RNFT2: variants seen among roughly 807,000 people sequenced by gnomAD.
RNFT2 encodes the protein ring finger protein, transmembrane 2.
In RNFT2, 36 loss-of-function variants were observed where a neutral mutation model predicts 53.0. The ratio of observed to expected loss-of-function variants is 0.68; its 90% CI spans 0.52 to 0.90. The LOEUF is 0.90. Among genes scored for constraint, RNFT2 ranks in the 40% least tolerant of loss-of-function variants. The probability of loss-of-function intolerance (pLI) is 0.00; values close to 1 mark genes in which losing one functional copy is unlikely to be tolerated. For synonymous variants in RNFT2, 260 were observed against 253.2 expected (o/e 1.03, Z -0.26); for missense variants, 514 against 585.6 (o/e 0.88, Z 1.26).
intron 7 of RNFT2, among the ~76,000 whole-genome samples, chr12:116,830,692 C>T (rs546386706): frequency 2.4e-4 from 36 of 152,176 alleles, no homozygotes; most frequent in African/African-American, 8.2e-4. Context: ...GGTGGATCAC[C>T]TGTGGTCAGG....
chr12:116,819,563 C>A (rs982724370), intron 7 of RNFT2, among the ~76,000 whole-genome samples: 8 of 152,238 alleles, frequency 5.3e-5, no homozygotes, highest in Non-Finnish European at 8.8e-5. Context: ...AGGAGGCAGG[C>A]GGCCGGGCCA....
intron 7 of RNFT2, among the ~76,000 whole-genome samples, chr12:116,826,406 TC>T (rs1175668502): frequency 6.6e-6 from 1 of 152,160 alleles, no homozygotes; most frequent in Non-Finnish European, 1.5e-5. Flanking sequence ...GCGAGACAGC[TC>T]ATAATCTGAT....
chr12:116,796,532 G>A (rs1874512419), intron 7 of RNFT2, among the ~76,000 whole-genome samples: 1 of 152,156 alleles, frequency 6.6e-6, no homozygotes, highest in South Asian at 2.1e-4. Context: ...GGGACGGGGA[G>A]GGAAGGTGGA....
rs576519753 is a variant in RNFT2 at position 116,778,131 on chromosome 12, CTCCTTTCTTCCT to C, written c.729-1058_729-1047del. ...TCTTCCTCCCCCTTTCTTTTCTTCC[CTCCTTTCTTCCT>C]TCCTTCCTTTTGCCTCCTCTCGTAA... On this transcript the variant is annotated intron_variant, in intron 6 of 10. Transcript: ENST00000257575. Among the ~76,000 whole-genome samples, 351 of 152,168 alleles carry C rather than the reference CTCCTTTCTTCCT, an allele frequency of 2.3e-3. 2 individuals carry two copies. Among genetic ancestry groups the C allele is most frequent in the African/African-American group, 8.2e-3 (341 of 41,502 alleles).
In RNFT2 at chr12:116,743,247, G is replaced by GAAAAAAAAAAAAAAAAAAAA. The variant is rs1566066807; in HGVS notation, c.83+2153_83+2154insAAAAAAAAAAAAAAAAAAAA. ...AAAAAAAAAAAAAAAAAAAAAAACC[G>GAAAAAAAAAAAAAAAAAAAA]GTTAAAAAACACTCATGAGCTAGAA... On this transcript the variant is annotated intron_variant, in intron 3 of 10. Transcript: ENST00000257575. Among the ~76,000 whole-genome samples the GAAAAAAAAAAAAAAAAAAAA allele has an allele frequency of 1.1e-4, 7 of 61,580 alleles. 1 individual carries two copies. Among genetic ancestry groups the GAAAAAAAAAAAAAAAAAAAA allele is most frequent in the African/African-American group, 1.6e-4 (3 of 18,598 alleles). The allele number at this position is 61,580 out of a possible 152,430, so 40.4% of individuals were successfully genotyped here. A position where few individuals can be genotyped will look rare whatever the true frequency, so the allele number is the denominator to read the frequency against.
chr12:116,800,994 G>A (rs1874767163), intron 7 of RNFT2: 1 of 152,124 alleles, frequency 6.6e-6, no homozygotes, highest in Non-Finnish European at 1.5e-5. Flanking sequence ...ATACGTCTAG[G>A]ATTCTCTTCT....
chr12:116,759,890 G>A (rs1255506366), intron 5 of RNFT2, among the ~76,000 whole-genome samples: 2 of 152,156 alleles, frequency 1.3e-5, no homozygotes, highest in Admixed American at 1.3e-4. Flanking sequence ...GTAGCGTGGC[G>A]AGGAACCCGT....
Position 116,851,879 on chromosome 12 carries a change from C to T in RNFT2, c.*2431C>T. On this transcript the variant is annotated 3_prime_UTR_variant, in exon 11 of 11. Coordinates refer to ENST00000257575, the MANE Select transcript of RNFT2 (RefSeq NM_001382266.1). ...TGTCTTTCTCCTCTTCCTATTCTGT[C>T]ATCTCCCTCACTTAAGTCTCAGGCC... 6.5e-7 allele frequency: 1 copy of T among 1,535,258 alleles called. No individual in the cohort carries two copies. The highest frequency in any genetic ancestry group is 8.7e-7 in the Non-Finnish European group (1 of 1,145,796).
intron 7 of RNFT2, among the ~76,000 whole-genome samples, chr12:116,788,021 G>C (rs576151774): frequency 3.9e-5 from 6 of 152,112 alleles, no homozygotes; most frequent in African/African-American, 9.7e-5. Flanking sequence ...TCTGCCTCCC[G>C]GGTTCAAGCA....
At chr12:116,781,291 C>T (rs954832708) in intron 7 of RNFT2, among the ~76,000 whole-genome samples, 21 of 152,118 alleles carry the variant, frequency 1.4e-4, no homozygotes, top group Non-Finnish European at 1.8e-4. Flanking sequence ...CTGACCTGCG[C>T]GAACTATATC....
intron 9 of RNFT2, 53 bp from the exon 10 acceptor site, chr12:116,836,128 G>A: frequency 3.1e-6 from 5 of 1,594,602 alleles, no homozygotes; most frequent in Non-Finnish European, 4.3e-6. Flanking sequence ...GCTCCTGAGG[G>A]CGTAGTTCCC....
At chr12:116,758,190 C>A (rs1872576305) in intron 5 of RNFT2, among the ~76,000 whole-genome samples, 1 of 152,092 alleles carries the variant, frequency 6.6e-6, no homozygotes, top group Non-Finnish European at 1.5e-5. Context: ...CTTTTTCCAC[C>A]CCTTTAAGTT....
intron 5 of RNFT2, among the ~76,000 whole-genome samples, chr12:116,761,379 C>T (rs984834064): frequency 9.9e-5 from 15 of 152,170 alleles, no homozygotes; most frequent in African/African-American, 3.6e-4. Context: ...AACTCCTGAC[C>T]TCCGGTAATC....
intron 7 of RNFT2, among the ~76,000 whole-genome samples, chr12:116,813,690 G>C (rs1392787843): frequency 5.9e-5 from 9 of 152,202 alleles, no homozygotes; most frequent in Admixed American, 5.9e-4. Flanking sequence ...GTACATAGCA[G>C]GTACTCAAAA....
At chr12:116,830,376 C>T (rs1876576916) in intron 7 of RNFT2, among the ~76,000 whole-genome samples, 1 of 152,160 alleles carries the variant, frequency 6.6e-6, no homozygotes, top group African/African-American at 2.4e-5. Flanking sequence ...CAGCCTCGAA[C>T]TTCTGGGCTC....
chr12:116,815,433 G>C (rs1012242014), intron 7 of RNFT2, among the ~76,000 whole-genome samples: 1 of 152,102 alleles, frequency 6.6e-6, no homozygotes, highest in African/African-American at 2.4e-5. Flanking sequence ...TGGTTCCTTT[G>C]GGAGGCTCCG....
At chr12:116,800,307 A>G (rs1274958423) in intron 7 of RNFT2, among the ~76,000 whole-genome samples, 1 of 149,990 alleles carries the variant, frequency 6.7e-6, no homozygotes, top group Non-Finnish European at 1.5e-5. Context: ...GACCAGCCTG[A>G]CCAACATGGT....
intron 7 of RNFT2, among the ~76,000 whole-genome samples, chr12:116,800,245 C>T (rs1247707563): frequency 6.6e-6 from 1 of 152,052 alleles, no homozygotes; most frequent in African/African-American, 2.4e-5. Flanking sequence ...GCCTGTAATC[C>T]CTGCACATTG....
intron 3 of RNFT2, among the ~76,000 whole-genome samples, chr12:116,743,764 C>T (rs1871760264): frequency 6.6e-6 from 1 of 152,152 alleles, no homozygotes; most frequent in African/African-American, 2.4e-5. Context: ...ATCCCCCGGT[C>T]CCAGCACTGG....
Sources: gnomAD v4.1 joint callset for allele counts (sites outside exome capture counted in the v4.1 genomes callset) on GRCh38, gnomAD v4.1.1 for gene constraint, MANE v1.5 for transcripts, NCBI Gene and HGNC (gene_info 2026-07-23, HGNC 2026-07-21) for gene names.